Variants in ZNF85 observed in about 807,000 individuals in gnomAD.
The protein encoded by ZNF85 is zinc finger protein 85.
In ZNF85, 50 loss-of-function variants were observed where a neutral mutation model predicts 53.9. The ratio of observed to expected loss-of-function variants is 0.93; its 90% CI spans 0.74 to 1.17. The LOEUF (loss-of-function observed/expected upper bound fraction) is 1.17. Among genes scored for constraint, ZNF85 ranks in the 50% most tolerant of loss-of-function variants. The probability of loss-of-function intolerance (pLI) is 0.00; values close to 1 mark genes in which losing one functional copy is unlikely to be tolerated. For synonymous variants in ZNF85, 225 were observed against 226.1 expected (o/e 1.00, Z 0.04); for missense variants, 747 against 688.5 (o/e 1.08, Z -0.95).
intron 1 of ZNF85, 70 bp downstream of exon 1, chr19:20,923,473 C>G (rs1013536331): frequency 5.0e-6 from 8 of 1,610,014 alleles, no homozygotes; most frequent in Non-Finnish European, 5.9e-6. Context: ...GCGGCTGTGG[C>G]GGGACTCAGG....
rs1196982246 is a variant in ZNF85, at chr19:20,950,485, T to C, written c.*183T>C. 2.1e-6 allele frequency: 1 copy of C among 477,126 alleles called. No homozygotes were observed. The highest frequency in any genetic ancestry group is 3.6e-6 in the Non-Finnish European group (1 of 277,230). The allele number at this position is 477,126 out of a possible 1,614,324, so 29.6% of individuals were successfully genotyped here. A position where few individuals can be genotyped will look rare whatever the true frequency, so the allele number is the denominator to read the frequency against. On this transcript the variant is annotated 3_prime_UTR_variant, in exon 4 of 4. Transcript: ENST00000328178. Reference sequence around the variant, plus strand: ...AGACTATGGCAAAGTCTTTAAATGGTTGTCACACTTTAGGTAAGATAATTC... The same window carrying C: ...AGACTATGGCAAAGTCTTTAAATGGCTGTCACACTTTAGGTAAGATAATTC...
In ZNF85 at chr19:20,935,028, C is replaced by T. The variant is rs1396903935; in HGVS notation, c.210C>T (p.Ile70=). The T allele has an allele frequency of 6.2e-7, 1 of 1,609,868 alleles. No homozygotes were observed. The highest frequency in any genetic ancestry group is 1.1e-5 in the South Asian group (1 of 90,208). ...KEAWSMKRHE[I]MVAKPTVMCS... is the part of the protein sequence containing the mutation. ...CCTGGAGTATGAAGAGACATGAGAT[C>T]ATGGTGGCCAAACCCACAGGTAGGT... The change falls in exon 3 of 4, where the codon ATC becomes ATT. Residue 70 remains isoleucine (I), a synonymous_variant. Transcript: ENST00000328178.
chr19:20,931,066 C>T (rs138017777), intron 1 of ZNF85, among the ~76,000 whole-genome samples: 53 of 152,040 alleles, frequency 3.5e-4, no homozygotes, highest in African/African-American at 4.8e-4. Flanking sequence ...TGAGCCACTG[C>T]GCCTGGCAGA....
chr19:20,932,832 A>G (rs1396892347), intron 1 of ZNF85, among the ~76,000 whole-genome samples: 1 of 151,828 alleles, frequency 6.6e-6, no homozygotes, highest in Non-Finnish European at 1.5e-5. Context: ...TTCAGACTAT[A>G]GTTTGGAGGA....
At chr19:20,925,196 C>A (rs1972851100) in intron 1 of ZNF85, among the ~76,000 whole-genome samples, 1 of 152,158 alleles carries the variant, frequency 6.6e-6, no homozygotes, top group South Asian at 2.1e-4. Flanking sequence ...CGGTGGCTCA[C>A]ACCTGTAATC....
At chr19:20,940,404 G>A (rs539594054) in intron 3 of ZNF85, among the ~76,000 whole-genome samples, 5 of 152,078 alleles carry the variant, frequency 3.3e-5, no homozygotes, top group Admixed American at 6.6e-5. Flanking sequence ...TGGCATTTTG[G>A]TGTGCACTTG....
chr19:20,935,056 A>G lies in ZNF85; in HGVS notation c.229+9A>G, dbSNP rs762085827. 5 of 1,596,320 alleles carry G rather than the reference A, an allele frequency of 3.1e-6. No homozygotes were observed. The highest frequency in any genetic ancestry group is 4.3e-6 in the Non-Finnish European group (5 of 1,167,456). ...GGTGGCCAAACCCACAGGTAGGTGA[A>G]AGTGAAAATGAATACAGCAGATGAC... On this transcript the variant is annotated intron_variant, in intron 3 of 3. Transcript: ENST00000328178.
At chr19:20,937,198 AT>A (rs1973179820) in intron 3 of ZNF85, 2 of 381,556 alleles carry the variant, frequency 5.2e-6, no homozygotes, top group Non-Finnish European at 1.0e-5. Flanking sequence ...CGTCTGGCCA[AT>A]TTTTTGTATT....
intron 3 of ZNF85, among the ~76,000 whole-genome samples, chr19:20,947,649 A>G (rs1973455710): frequency 6.6e-6 from 1 of 150,834 alleles, no homozygotes; most frequent in Non-Finnish European, 1.5e-5. Flanking sequence ...ATCTTTGAGG[A>G]TTTTCTACTT....
Position 20,949,452 on chromosome 19 carries a change from C to G in ZNF85, c.938C>G (p.Pro313Arg), listed in dbSNP as rs762084171. ...AGAAAAATTCATACTGGAGAGAAAC[C>G]TTACAAATGTGAAGAATGTGGCAAA... The part of the protein sequence containing the change: ...THRKIHTGEK[P>R]YKCEECGKAF... Residue 313 changes from proline to arginine, a missense_variant, in exon 4 of 4, where the codon CCT becomes CGT. Coordinates refer to ENST00000328178, the MANE Select transcript of ZNF85 (RefSeq NM_003429.5). The G allele has an allele frequency of 3.7e-6, 6 of 1,613,352 alleles. No individual in the cohort carries two copies. The highest frequency in any genetic ancestry group is 2.2e-5 in the South Asian group (2 of 91,014).
chr19:20,925,851 C>T (rs1468737293), intron 1 of ZNF85, among the ~76,000 whole-genome samples: 1 of 152,200 alleles, frequency 6.6e-6, no homozygotes, highest in Non-Finnish European at 1.5e-5. Flanking sequence ...ATTTTGACTT[C>T]AGCTTCTTTT....
intron 1 of ZNF85, among the ~76,000 whole-genome samples, chr19:20,924,366 G>A (rs1409375153): frequency 6.6e-6 from 1 of 152,106 alleles, no homozygotes; most frequent in Admixed American, 6.5e-5. Flanking sequence ...CCTGAATTTT[G>A]TTTTCCCCGA....
chr19:20,935,083 C>A, intron 3 of ZNF85, 36 bp downstream of exon 3: 1 of 1,439,754 alleles, frequency 6.9e-7, no homozygotes, highest in Non-Finnish European at 9.7e-7. Flanking sequence ...GCAGATGACA[C>A]ATGAGAGGTC....
At chr19:20,927,983 T>C (rs1972919647) in intron 1 of ZNF85, 1 of 150,458 alleles carries the variant, frequency 6.6e-6, no homozygotes, top group Non-Finnish European at 1.5e-5. Context: ...TGTGTTTCAT[T>C]TTTCCCCACC....
Position 20,923,390 on chromosome 19 carries a change from G to A in ZNF85, c.-11G>A. 4 of 1,614,140 alleles carry A rather than the reference G, an allele frequency of 2.5e-6. No homozygotes were observed. Among genetic ancestry groups the A allele is most frequent in the Non-Finnish European group, 3.4e-6 (4 of 1,180,002 alleles). On this transcript the variant is annotated 5_prime_UTR_variant, in exon 1 of 4. Coordinates refer to ENST00000328178, the MANE Select transcript of ZNF85 (RefSeq NM_003429.5). ...ACAGCTAAGACGCCGGGACCCCCTG[G>A]AAGCCTAGAAATGGTGAGAGTGCCA...
chr19:20,942,921 A>G (rs1973332535), intron 3 of ZNF85: 1 of 639,786 alleles, frequency 1.6e-6, no homozygotes, highest in South Asian at 1.7e-5. Context: ...GACTACAGAC[A>G]TGCAGTACTA....
At chr19:20,947,488 C>CTTTTTTTTTTTT (rs768097517) in intron 3 of ZNF85, among the ~76,000 whole-genome samples, 2 of 51,634 alleles carry the variant, frequency 3.9e-5, no homozygotes, top group African/African-American at 8.4e-5. Flanking sequence ...TGCCAATACA[C>CTTTTTTTTTTTT]TTTTTTTTTT....
chr19:20,930,803 G>A (rs747457225), intron 1 of ZNF85, among the ~76,000 whole-genome samples: 11 of 151,904 alleles, frequency 7.2e-5, no homozygotes, highest in East Asian at 5.8e-4. Context: ...ACAGAGTTTC[G>A]CTCTTGCTGC....
At chr19:20,947,862 G>C (rs1852183804) in intron 3 of ZNF85, among the ~76,000 whole-genome samples, 1 of 151,254 alleles carries the variant, frequency 6.6e-6, no homozygotes, top group African/African-American at 2.4e-5. Flanking sequence ...TGTTGTCTGT[G>C]TTTCTATTTT....
Sources: allele counts gnomAD v4.1 joint callset (sites outside exome capture counted in the v4.1 genomes callset), GRCh38; gene constraint gnomAD v4.1.1; transcripts MANE v1.5; gene names NCBI Gene and HGNC (gene_info 2026-07-23, HGNC 2026-07-21).